USP17L2: variants seen among roughly 807,000 people sequenced by gnomAD.
USP17L2 encodes the protein ubiquitin specific peptidase 17 like family member 2.
In USP17L2, 29 loss-of-function variants were observed where a neutral mutation model predicts 39.8. The observed-to-expected ratio is 0.73, with a 90% confidence interval of 0.54 to 0.99. The LOEUF is 0.99. Ranked by LOEUF, USP17L2 falls within the 50% of genes least tolerant of loss-of-function variation. USP17L2 has a pLI of 0.00. For missense variants in USP17L2, 567 were observed against 647.2 expected (o/e 0.88, Z 1.35); for synonymous variants, 231 against 252.7 (o/e 0.91, Z 0.81).
rs1320367138 is a variant in USP17L2, at chr8:12,136,604, C to T, written c.*564G>A. ...CAGCAAGAGCACAAGTCCCAGGGCGCCTGAGGTCCATTCAGAAACCAATGT... is the reference window on the plus strand; with the variant it reads ...CAGCAAGAGCACAAGTCCCAGGGCGTCTGAGGTCCATTCAGAAACCAATGT... On this transcript the variant is annotated 3_prime_UTR_variant, in exon 1 of 1. Coordinates refer to ENST00000333796, the MANE Select transcript of USP17L2 (RefSeq NM_201402.3). Among the ~76,000 whole-genome samples, 2 of 140,334 alleles carry T rather than the reference C, an allele frequency of 1.4e-5. No individual in the cohort carries two copies. Among genetic ancestry groups the T allele is most frequent in the African/African-American group, 5.4e-5 (2 of 37,262 alleles). 92.1% of individuals were successfully genotyped at this position (140,334 alleles called of 152,430 possible).
Position 12,137,349 on chromosome 8 carries a change from T to G in USP17L2, c.1412A>C (p.Tyr471Ser). Residue 471 changes from tyrosine to serine, a missense_variant, in exon 1 of 1, where the codon TAC becomes TCC. By Grantham distance (144) the Tyr-to-Ser change is moderately radical. Around this residue, in one of 6 missense-constraint regions of USP17L2, gnomAD observed 304 missense variants for 254.7 expected, o/e 1.19. Transcript: ENST00000333796. ...ATGATGGTTTTTCATCCCACACTTG[T>G]ATTTCGATTGATGAATCACAAGTAC... The part of the protein sequence containing the change: ...PNVLVIHQSK[Y>S]KCGMKNHHPE... 1.3e-6 allele frequency: 2 copies of G among 1,531,570 alleles called. No homozygotes were observed. Among genetic ancestry groups the G allele is most frequent in the Admixed American group, 3.6e-5 (2 of 55,868 alleles). 94.9% of individuals were successfully genotyped at this position (1,531,570 alleles called of 1,614,324 possible). A position where few individuals can be genotyped will look rare whatever the true frequency, so the allele number is the denominator to read the frequency against.
Position 12,136,797 on chromosome 8 carries a change from A to G in USP17L2, c.*371T>C, listed in dbSNP as rs1265542443. Among the ~76,000 whole-genome samples the G allele has an allele frequency of 1.4e-5, 2 of 140,678 alleles. 1 individual carries two copies. The highest frequency in any genetic ancestry group is 1.4e-4 in the Admixed American group (2 of 13,840). 92.3% of individuals were successfully genotyped at this position (140,678 alleles called of 152,430 possible). ...TGACGAATGAAACACACCCCAAGAGAAAATAGGAAACCGAGTCCCCTGCAA... is the reference window on the plus strand; with the variant it reads ...TGACGAATGAAACACACCCCAAGAGGAAATAGGAAACCGAGTCCCCTGCAA... On this transcript the variant is annotated 3_prime_UTR_variant, in exon 1 of 1. Coordinates refer to ENST00000333796, the MANE Select transcript of USP17L2 (RefSeq NM_201402.3).
rs749714928 is a variant in USP17L2, at chr8:12,137,258, G to T, written c.1503C>A (p.Asn501Lys). Residue 501 changes from asparagine to lysine, a missense_variant, in exon 1 of 1, where the codon AAC (asparagine) becomes AAA (lysine). By Grantham distance (94) the Asn-to-Lys change is moderately conservative (BLOSUM62 0). Transcript: ENST00000333796. ...STTRTDQESVNTGTLASLQGR... is the reference protein window; with the variant it reads ...STTRTDQESVKTGTLASLQGR... ...CTTGCAGAGAAGCGAGGGTGCCAGTGTTCACGGACTCCTGATCTGTCCGGG... is the reference window on the plus strand; with the variant it reads ...CTTGCAGAGAAGCGAGGGTGCCAGTTTTCACGGACTCCTGATCTGTCCGGG... 3.3e-6 allele frequency: 5 copies of T among 1,530,762 alleles called. No homozygotes were observed. Among genetic ancestry groups the T allele is most frequent in the South Asian group, 2.5e-5 (2 of 81,288 alleles). 94.8% of individuals were successfully genotyped at this position (1,530,762 alleles called of 1,614,324 possible). A position where few individuals can be genotyped will look rare whatever the true frequency, so the allele number is the denominator to read the frequency against.
Position 12,137,330 on chromosome 8 carries a change from G to A in USP17L2, c.1431C>T (p.Asn477=), listed in dbSNP as rs1563161791. Residue 477 remains asparagine (N), a synonymous_variant, in exon 1 of 1, where the codon AAC becomes AAT. Coordinates refer to ENST00000333796, the MANE Select transcript of USP17L2 (RefSeq NM_201402.3). The part of the protein sequence containing the change: ...HQSKYKCGMK[N]HHPEQQSSLL... ...GGGAGCTTTGCTGTTCAGGATGATG[G>A]TTTTTCATCCCACACTTGTATTTCG... is the stretch of plus-strand genomic sequence containing the variant. The A allele has an allele frequency of 6.5e-7, 1 of 1,531,368 alleles. No individual in the cohort carries two copies. The highest frequency in any genetic ancestry group is 8.8e-7 in the Non-Finnish European group (1 of 1,135,146). The allele number at this position is 1,531,368 out of a possible 1,614,324, so 94.9% of individuals were successfully genotyped here.
rs374024609 is a variant in USP17L2 at position 12,138,339 on chromosome 8, T to C, written c.422A>G (p.His141Arg). 15 of 1,520,602 alleles carry C rather than the reference T, an allele frequency of 9.9e-6. 2 individuals carry two copies. Among genetic ancestry groups the C allele is most frequent in the African/African-American group, 7.3e-5 (5 of 68,726 alleles). The allele number at this position is 1,520,602 out of a possible 1,614,324, so 94.2% of individuals were successfully genotyped here. The change falls in exon 1 of 1, where the codon CAT becomes CGT. Residue 141 changes from histidine to arginine, a missense_variant. His to Arg is a conservative substitution (Grantham distance 29). Coordinates refer to ENST00000333796, the MANE Select transcript of USP17L2 (RefSeq NM_201402.3). The stretch of plus-strand genomic sequence containing the variant: ...CAATGCCTGTGAGGGCTGGATGACA[T>C]GACCAGGACTGTGGAGGGCCCATGT... ...HITWALHSPG[H>R]VIQPSQALAA...
In USP17L2 at chr8:12,137,664, T is replaced by C. The variant is rs774320641; in HGVS notation, c.1097A>G (p.Gln366Arg). The change falls in exon 1 of 1, where the codon CAG (glutamine) becomes CGG (arginine). Residue 366 changes from glutamine (Q) to arginine (R), a missense_variant. Transcript: ENST00000333796. ...CTGGATGTAAAAGAGGACATAGGCC[T>C]GTTGACTCAGGACAGAAGTGATGCT... ...ACSITSVLSQQAYVLFYIQKS... is the reference protein window; with the variant it reads ...ACSITSVLSQRAYVLFYIQKS... 6 of 1,532,286 alleles carry C rather than the reference T, an allele frequency of 3.9e-6. 1 individual carries two copies. The highest frequency in any genetic ancestry group is 5.3e-6 in the Non-Finnish European group (6 of 1,133,510). The allele number at this position is 1,532,286 out of a possible 1,614,324, so 94.9% of individuals were successfully genotyped here.
Position 12,137,023 on chromosome 8 carries a change from A to C in USP17L2, c.*145T>G. On this transcript the variant is annotated 3_prime_UTR_variant, in exon 1 of 1. Transcript: ENST00000333796. ...CAGTTGTCCCTGTTGTAGAGACAGAAACTTGGACTCCTCATTACTTTATGT... is the reference window on the plus strand; with the variant it reads ...CAGTTGTCCCTGTTGTAGAGACAGACACTTGGACTCCTCATTACTTTATGT... 9.3e-7 allele frequency: 1 copy of C among 1,075,568 alleles called. No individual in the cohort carries two copies. Among genetic ancestry groups the C allele is most frequent in the Non-Finnish European group, 1.3e-6 (1 of 746,354 alleles). 66.6% of individuals were successfully genotyped at this position (1,075,568 alleles called of 1,614,324 possible). A position where few individuals can be genotyped will look rare whatever the true frequency, so the allele number is the denominator to read the frequency against.
At position 12,137,746 on chromosome 8, in the gene USP17L2, C is replaced by G. The variant is rs559072293; in HGVS notation, c.1015G>C (p.Val339Leu). The G allele has an allele frequency of 6.6e-7, 1 of 1,521,484 alleles. No homozygotes were observed. The highest frequency in any genetic ancestry group is 1.5e-5 in the African/African-American group (1 of 67,468). The allele number at this position is 1,521,484 out of a possible 1,614,324, so 94.2% of individuals were successfully genotyped here. Residue 339 changes from valine to leucine, a missense_variant, in exon 1 of 1, where the codon GTC (valine) becomes CTC (leucine). By Grantham distance (32) the Val-to-Leu change is conservative (BLOSUM62 1). Around this residue, in one of 6 missense-constraint regions of USP17L2, gnomAD observed 304 missense variants for 254.7 expected, o/e 1.19. Coordinates refer to ENST00000333796, the MANE Select transcript of USP17L2 (RefSeq NM_201402.3). ...TACCACTGGCCTTCTTGAGCTTTGACATAAGAGAAGTAATGTCCGTCGTGA... is the reference window on the plus strand; with the variant it reads ...TACCACTGGCCTTCTTGAGCTTTGAGATAAGAGAAGTAATGTCCGTCGTGA... ...SCHDGHYFSY[V>L]KAQEGQWYKM... is the part of the protein sequence containing the mutation.
In USP17L2 at chr8:12,137,539, G is replaced by T. The variant is rs748750949; in HGVS notation, c.1222C>A (p.Leu408Ile). ...TGGAGGCAGGGGTGGTCTCTCTTGAGCTCTCCTTGCGTTGCTCGCCTGTCT... is the reference window on the plus strand; with the variant it reads ...TGGAGGCAGGGGTGGTCTCTCTTGATCTCTCCTTGCGTTGCTCGCCTGTCT... ...DTDRRATQGE[L>I]KRDHPCLQAP... Residue 408 changes from leucine (L) to isoleucine (I), a missense_variant, in exon 1 of 1, where the codon CTC (leucine) becomes ATC (isoleucine). This residue lies in a region of USP17L2 where 304 missense variants were observed against 254.7 expected (regional missense o/e 1.19). Transcript: ENST00000333796. 24 of 1,533,118 alleles carry T rather than the reference G, an allele frequency of 1.6e-5. 1 individual carries two copies. In the Admixed American group the frequency reaches 1.6e-4, roughly 10 times the overall value. The allele number at this position is 1,533,118 out of a possible 1,614,324, so 95.0% of individuals were successfully genotyped here. A position where few individuals can be genotyped will look rare whatever the true frequency, so the allele number is the denominator to read the frequency against.
Position 12,137,613 on chromosome 8 carries a change from T to C in USP17L2, c.1148A>G (p.Glu383Gly), listed in dbSNP as rs371850474. 1.7e-3 allele frequency: 2,608 copies of C among 1,512,756 alleles called. 507 individuals are homozygous for C. The South Asian group carries it at 0.03, about 18-fold the overall frequency. 93.7% of individuals were successfully genotyped at this position (1,512,756 alleles called of 1,614,324 possible). A position where few individuals can be genotyped will look rare whatever the true frequency, so the allele number is the denominator to read the frequency against. The change falls in exon 1 of 1, where the codon GAG becomes GGG. Residue 383 changes from glutamate to glycine, a missense_variant. This residue lies in a region of USP17L2 where 304 missense variants were observed against 254.7 expected (regional missense o/e 1.19). Coordinates refer to ENST00000333796, the MANE Select transcript of USP17L2 (RefSeq NM_201402.3). ...TGGTTCCCTGCCTCTTGACACACTCTCACTGTGTCTTTCCCATTCACTCTT... is the reference window on the plus strand; with the variant it reads ...TGGTTCCCTGCCTCTTGACACACTCCCACTGTGTCTTTCCCATTCACTCTT... ...IQKSEWERHS[E>G]SVSRGREPRA...
At position 12,137,589 on chromosome 8, in the gene USP17L2, G is replaced by T. The variant is rs376142222; in HGVS notation, c.1172C>A (p.Pro391Gln). 2.1e-4 allele frequency: 317 copies of T among 1,528,440 alleles called. 31 individuals are homozygous for T. In the African/African-American group the frequency reaches 3.6e-3, roughly 17 times the overall value. The allele number at this position is 1,528,440 out of a possible 1,614,324, so 94.7% of individuals were successfully genotyped here. A position where few individuals can be genotyped will look rare whatever the true frequency, so the allele number is the denominator to read the frequency against. Residue 391 changes from proline (P) to glutamine (Q), a missense_variant, in exon 1 of 1, where the codon CCA becomes CAA. By Grantham distance (76) the Pro-to-Gln change is moderately conservative. Coordinates refer to ENST00000333796, the MANE Select transcript of USP17L2 (RefSeq NM_201402.3). ...HSESVSRGRE[P>Q]RALGAEDTDR... Reference sequence around the variant, plus strand: ...TGTGTCTTCAGCGCCGAGGGCTCTTGGTTCCCTGCCTCTTGACACACTCTC... The same window carrying T: ...TGTGTCTTCAGCGCCGAGGGCTCTTTGTTCCCTGCCTCTTGACACACTCTC...
rs541755368 is a variant in USP17L2, at chr8:12,137,167, A to G, written c.*1T>C. 14 of 1,530,216 alleles carry G rather than the reference A, an allele frequency of 9.1e-6. 3 individuals are homozygous for G. In the East Asian group the frequency reaches 3.1e-4, roughly 34 times the overall value. The allele number at this position is 1,530,216 out of a possible 1,614,324, so 94.8% of individuals were successfully genotyped here. On this transcript the variant is annotated 3_prime_UTR_variant, in exon 1 of 1. Coordinates refer to ENST00000333796, the MANE Select transcript of USP17L2 (RefSeq NM_201402.3). ...CGTGTGGGTCGGCACTTCCACTGAG[A>G]TCACTGGCACACAAGCAGAGCCCTC...
rs1254110031 is a variant in USP17L2 at position 12,137,292 on chromosome 8, G to T, written c.1469C>A (p.Ser490Tyr). 2.0e-6 allele frequency: 3 copies of T among 1,531,346 alleles called. No individual in the cohort carries two copies. Among genetic ancestry groups the T allele is most frequent in the African/African-American group, 1.5e-5 (1 of 68,194 alleles). The allele number at this position is 1,531,346 out of a possible 1,614,324, so 94.9% of individuals were successfully genotyped here. A position where few individuals can be genotyped will look rare whatever the true frequency, so the allele number is the denominator to read the frequency against. ...CTCCTGATCTGTCCGGGTCGTCGAA[G>T]AGAGGTTTAGCAGGGAGCTTTGCTG... The part of the protein sequence containing the change: ...PEQQSSLLNL[S>Y]STTRTDQESV... The change falls in exon 1 of 1, where the codon TCT becomes TAT. Residue 490 changes from serine (S) to tyrosine (Y), a missense_variant. Coordinates refer to ENST00000333796, the MANE Select transcript of USP17L2 (RefSeq NM_201402.3).
At position 12,137,143 on chromosome 8, in the gene USP17L2, G is replaced by T. The variant is rs780947817; in HGVS notation, c.*25C>A. Reference sequence around the variant, plus strand: ...TGTGTGTGTGTGCGTTCACCCCTACGTGTGGGTCGGCACTTCCACTGAGAT... The same window carrying T: ...TGTGTGTGTGTGCGTTCACCCCTACTTGTGGGTCGGCACTTCCACTGAGAT... On this transcript the variant is annotated 3_prime_UTR_variant, in exon 1 of 1. Transcript: ENST00000333796. 2.6e-6 allele frequency: 4 copies of T among 1,526,758 alleles called. No individual in the cohort carries two copies. The highest frequency in any genetic ancestry group is 2.6e-5 in the East Asian group (1 of 38,122). The allele number at this position is 1,526,758 out of a possible 1,614,324, so 94.6% of individuals were successfully genotyped here.
In USP17L2 at chr8:12,136,623, C is replaced by A. The variant is rs1441232106; in HGVS notation, c.*545G>T. On this transcript the variant is annotated 3_prime_UTR_variant, in exon 1 of 1. Transcript: ENST00000333796. ...AGGGCGCCTGAGGTCCATTCAGAAA[C>A]CAATGTAAAAACGGTGAGCCAGGGT... 2.4e-4 allele frequency among the ~76,000 whole-genome samples: 33 copies of A among 140,390 alleles called. 3 individuals carry two copies. The highest frequency in any genetic ancestry group is 6.4e-4 in the African/African-American group (24 of 37,332). The allele number at this position is 140,390 out of a possible 152,430, so 92.1% of individuals were successfully genotyped here. A position where few individuals can be genotyped will look rare whatever the true frequency, so the allele number is the denominator to read the frequency against.
At position 12,137,239 on chromosome 8, in the gene USP17L2, G is replaced by C; in HGVS notation, c.1522C>G (p.Leu508Val). The change falls in exon 1 of 1, where the codon CTG (leucine) becomes GTG (valine). Residue 508 changes from leucine to valine, a missense_variant. By Grantham distance (32) the Leu-to-Val change is conservative. Around this residue, in one of 6 missense-constraint regions of USP17L2, gnomAD observed 304 missense variants for 254.7 expected, o/e 1.19. Transcript: ENST00000333796. ...ESVNTGTLAS[L>V]QGRTRRSKGK... is the part of the protein sequence containing the mutation. ...TTGGATCTCCTGGTCCTCCCTTGCA[G>C]AGAAGCGAGGGTGCCAGTGTTCACG... 5 of 1,530,548 alleles carry C rather than the reference G, an allele frequency of 3.3e-6. 1 individual carries two copies. In the South Asian group the frequency reaches 3.7e-5, roughly 11 times the overall value. 94.8% of individuals were successfully genotyped at this position (1,530,548 alleles called of 1,614,324 possible).
At position 12,136,524 on chromosome 8, in the gene USP17L2, T is replaced by C. The variant is rs1353559991; in HGVS notation, c.*644A>G. On this transcript the variant is annotated 3_prime_UTR_variant, in exon 1 of 1. Transcript: ENST00000333796. ...ATTTTCCATTTCGACTCATTGGAAT[T>C]GGACATCGTGAAACAGGCAAGTCGG... Among the ~76,000 whole-genome samples the C allele has an allele frequency of 7.1e-6, 1 of 140,382 alleles. No homozygotes were observed. The highest frequency in any genetic ancestry group is 2.7e-5 in the African/African-American group (1 of 37,248). 92.1% of individuals were successfully genotyped at this position (140,382 alleles called of 152,430 possible).
rs533374101 is a variant in USP17L2, at chr8:12,138,480, G to A, written c.281C>T (p.Ser94Phe). 9.7e-6 allele frequency: 15 copies of A among 1,540,764 alleles called. 1 individual carries two copies. The South Asian group carries it at 1.8e-4, about 19-fold the overall frequency. The change falls in exon 1 of 1, where the codon TCC becomes TTC. Residue 94 changes from serine to phenylalanine, a missense_variant. By Grantham distance (155) the Ser-to-Phe change is radical. Around this residue, in one of 6 missense-constraint regions of USP17L2, gnomAD observed 67 missense variants for 122.8 expected, o/e 0.55. Coordinates refer to ENST00000333796, the MANE Select transcript of USP17L2 (RefSeq NM_201402.3). Reference sequence around the variant, plus strand: ...CGGTGTGTATGTCAGGCACTGCAGGGAAGCGTTCTCGTAGCAGGTATTTCC... The same window carrying A: ...CGGTGTGTATGTCAGGCACTGCAGGAAAGCGTTCTCGTAGCAGGTATTTCC... ...NMGNTCYENA[S>F]LQCLTYTPPL... is the part of the protein sequence containing the mutation.
rs1803284875 is a variant in USP17L2, at chr8:12,137,482, T to G, written c.1279A>C (p.Arg427=). 6.5e-7 allele frequency: 1 copy of G among 1,532,776 alleles called. No individual in the cohort carries two copies. The highest frequency in any genetic ancestry group is 1.5e-5 in the African/African-American group (1 of 68,194). 94.9% of individuals were successfully genotyped at this position (1,532,776 alleles called of 1,614,324 possible). ...APELDERLVE[R]ATQESTLDHW... The stretch of plus-strand genomic sequence containing the variant: ...TCTAAGGTGCTTTCCTGAGTGGCTC[T>G]TTCCACCAAGCGCTCGTCCAACTCG... The change falls in exon 1 of 1, where the codon AGA becomes CGA. Residue 427 remains arginine, a synonymous_variant. Transcript: ENST00000333796.
Sources: allele counts gnomAD v4.1 joint callset (sites outside exome capture counted in the v4.1 genomes callset), GRCh38; gene constraint gnomAD v4.1.1; regional missense constraint gnomAD v4.1.1; transcripts MANE v1.5; gene names NCBI Gene and HGNC (gene_info 2026-07-23, HGNC 2026-07-21).